AGPS: variants seen among roughly 807,000 people sequenced by gnomAD.
The protein encoded by AGPS is alkyldihydroxyacetonephosphate synthase, peroxisomal.
Under a neutral mutation model 90.7 loss-of-function variants are expected in AGPS, and 26 were observed. That is an observed-to-expected ratio of 0.29 (90% confidence interval 0.21 to 0.40). The LOEUF is 0.40. AGPS is among the 10% of genes least tolerant of loss of function. The pLI, the probability that AGPS is intolerant of heterozygous loss-of-function variation, is 1.00. For synonymous variants in AGPS, 294 were observed against 285.3 expected (o/e 1.03, Z -0.31); for missense variants, 540 against 816.1 (o/e 0.66, Z 4.12).
intron 8 of AGPS, among the ~76,000 whole-genome samples, chr2:177,460,159 C>T (rs1167479633): frequency 2.0e-5 from 3 of 152,114 alleles, no homozygotes; most frequent in African/African-American, 7.2e-5. Flanking sequence ...ACAGTGGGGC[C>T]TGGGGCGCGG....
At chr2:177,489,520 T>G (rs1397113569) in intron 11 of AGPS, among the ~76,000 whole-genome samples, 1 of 152,206 alleles carries the variant, frequency 6.6e-6, no homozygotes, top group Non-Finnish European at 1.5e-5. Context: ...AATTCCTGGT[T>G]GTAGCATCCC....
At chr2:177,489,704 A>T (rs919798753) in intron 11 of AGPS, among the ~76,000 whole-genome samples, 2 of 152,190 alleles carry the variant, frequency 1.3e-5, no homozygotes, top group African/African-American at 4.8e-5. Flanking sequence ...ATAGTTAGGT[A>T]CAAGTTCGAT....
intron 11 of AGPS, among the ~76,000 whole-genome samples, chr2:177,486,799 A>T (rs2105698809): frequency 6.9e-6 from 1 of 144,554 alleles, no homozygotes; most frequent in Non-Finnish European, 1.5e-5. Context: ...CATTAGAAGG[A>T]TTCTACTAAA....
chr2:177,534,686 C>G (rs2079167842), intron 19 of AGPS, among the ~76,000 whole-genome samples: 2 of 151,744 alleles, frequency 1.3e-5, no homozygotes, highest in African/African-American at 4.8e-5. Context: ...CTTCTGAGCT[C>G]AAGTTCTCCT....
At chr2:177,490,730 A>G (rs1057483336) in intron 11 of AGPS, among the ~76,000 whole-genome samples, 10 of 152,122 alleles carry the variant, frequency 6.6e-5, no homozygotes, top group Admixed American at 4.6e-4. Context: ...AATTTGAAAG[A>G]CTGGTACAGT....
At chr2:177,437,327 T>C (rs188886766) in intron 5 of AGPS, among the ~76,000 whole-genome samples, 38 of 152,246 alleles carry the variant, frequency 2.5e-4, no homozygotes, top group Middle Eastern at 3.4e-3. Context: ...TATTTTTGGA[T>C]AATTTGGAAG....
intron 8 of AGPS, among the ~76,000 whole-genome samples, chr2:177,447,773 C>T (rs935752953): frequency 6.6e-6 from 1 of 152,202 alleles, no homozygotes; most frequent in East Asian, 1.9e-4. Context: ...GTAGTTCCTA[C>T]AGCTATTTTG....
At chr2:177,465,552 G>T (rs1474773464) in intron 9 of AGPS, among the ~76,000 whole-genome samples, 1 of 152,158 alleles carries the variant, frequency 6.6e-6, no homozygotes, top group Admixed American at 6.5e-5. Context: ...AGTAGTGAGG[G>T]GTGTGTGAAT....
At chr2:177,499,135 A>G (rs970230659) in intron 13 of AGPS, among the ~76,000 whole-genome samples, 3 of 151,794 alleles carry the variant, frequency 2.0e-5, no homozygotes, top group Admixed American at 2.0e-4. Flanking sequence ...GTTTCCTAAT[A>G]TATTTCTTTT....
intron 2 of AGPS, among the ~76,000 whole-genome samples, chr2:177,427,255 TATTA>T (rs903876591): frequency 3.9e-4 from 60 of 152,310 alleles, no homozygotes; most frequent in African/African-American, 1.3e-3. Context: ...TTTTCTTCTT[TATTA>T]GTCTAGCTAG....
intron 8 of AGPS, 29 bp from the exon 9 acceptor site, chr2:177,461,864 C>T: frequency 1.3e-6 from 2 of 1,583,834 alleles, no homozygotes; most frequent in Non-Finnish European, 1.7e-6. Flanking sequence ...ACCATTTTCA[C>T]TGTAAAATGT....
At chr2:177,536,463 T>G (rs545922288) in intron 19 of AGPS, among the ~76,000 whole-genome samples, 1 of 152,246 alleles carries the variant, frequency 6.6e-6, no homozygotes, top group East Asian at 1.9e-4. Context: ...TTTTTAACTT[T>G]TTTAAAAAGT....
intron 16 of AGPS, among the ~76,000 whole-genome samples, chr2:177,511,486 GA>G (rs1367414539): frequency 1.3e-5 from 2 of 151,090 alleles, no homozygotes; most frequent in Admixed American, 1.3e-4. Flanking sequence ...TGGAGTGAAG[GA>G]AAAAAAAGAA....
intron 1 of AGPS, among the ~76,000 whole-genome samples, chr2:177,416,089 A>G (rs965838803): frequency 6.6e-6 from 1 of 152,210 alleles, no homozygotes; most frequent in African/African-American, 2.4e-5. Context: ...TATTATGATT[A>G]GAAATAGCAA....
intron 5 of AGPS, among the ~76,000 whole-genome samples, chr2:177,439,692 C>G (rs1347530722): frequency 6.6e-6 from 1 of 152,056 alleles, no homozygotes; most frequent in African/African-American, 2.4e-5. Flanking sequence ...ATTTGCTTTC[C>G]TCAGCATTCT....
chr2:177,529,022 A>AT, intron 19 of AGPS, among the ~76,000 whole-genome samples: 1 of 151,380 alleles, frequency 6.6e-6, no homozygotes, highest in Admixed American at 6.6e-5. Flanking sequence ...CACCCAGCTA[A>AT]TTTTTTGTAT....
chr2:177,505,854 A>T (rs1261490605), intron 15 of AGPS, among the ~76,000 whole-genome samples: 2 of 151,954 alleles, frequency 1.3e-5, no homozygotes, highest in African/African-American at 4.8e-5. Flanking sequence ...CATACCATTC[A>T]TAACATTACT....
chr2:177,470,815 T>A (rs1687596343), intron 10 of AGPS, among the ~76,000 whole-genome samples: 1 of 152,156 alleles, frequency 6.6e-6, no homozygotes, highest in Admixed American at 6.5e-5. Context: ...CATAGCATAC[T>A]GATAAAAGAG....
chr2:177,494,516 G>A (rs1348319127), intron 12 of AGPS, among the ~76,000 whole-genome samples: 1 of 152,130 alleles, frequency 6.6e-6, no homozygotes, highest in Non-Finnish European at 1.5e-5. Flanking sequence ...ATATGTTATT[G>A]TTGTTGTAAA....
Sources: gnomAD v4.1 joint callset for allele counts (sites outside exome capture counted in the v4.1 genomes callset) on GRCh38, gnomAD v4.1.1 for gene constraint, MANE v1.5 for transcripts, NCBI Gene and HGNC (gene_info 2026-07-23, HGNC 2026-07-21) for gene names.